The following EIF4G2 variants were observed in gnomAD, a reference collection of about 807,000 sequenced individuals.
EIF4G2 encodes eukaryotic translation initiation factor 4 gamma 2, also known as DAP-5.
Under a neutral mutation model 117.7 loss-of-function variants are expected in EIF4G2, and 8 were observed. That is an observed-to-expected ratio of 0.07 (90% CI 0.04 to 0.12). EIF4G2 has a LOEUF of 0.12. EIF4G2 is among the 10% of genes least tolerant of loss of function. The pLI, the probability that EIF4G2 is intolerant of heterozygous loss-of-function variation, is 1.00. For missense variants in EIF4G2, 812 were observed against 1,086.2 expected, an observed-to-expected ratio of 0.75 and a Z score of 3.55; for synonymous variants, 413 against 367.8, an observed-to-expected ratio of 1.12 and a Z score of -1.41.
Position 10,803,789 on chromosome 11 carries a change from AT to A in EIF4G2, c.702+109del. The A allele has an allele frequency of 2.9e-6, 4 of 1,369,704 alleles. No homozygotes were observed. In the South Asian group the frequency reaches 5.4e-5, roughly 19 times the overall value. 84.8% of individuals were successfully genotyped at this position (1,369,704 alleles called of 1,614,324 possible). A position where few individuals can be genotyped will look rare whatever the true frequency, so the allele number is the denominator to read the frequency against. ...TATTTCAAATTATTCTGTTTAGTAAATTTTGTTGCACATCTGTATTTAACTA... is the reference window on the plus strand; with the variant it reads ...TATTTCAAATTATTCTGTTTAGTAAATTTGTTGCACATCTGTATTTAACTA... On this transcript the variant is annotated intron_variant, in intron 8 of 21. Coordinates refer to ENST00000339995, the MANE Select transcript of EIF4G2 (RefSeq NM_001418.4). The surrounding 1 kb of genome is among the most constrained non-coding windows in gnomAD (Gnocchi z 4.0).
At chr11:10,798,290 C>T (rs1847316570) in intron 21 of EIF4G2, among the ~76,000 whole-genome samples, 1 of 152,140 alleles carries the variant, frequency 6.6e-6, no homozygotes, top group Non-Finnish European at 1.5e-5. Context: ...GAGAGAATGC[C>T]CTGATGTTCT....
chr11:10,800,193 A>T lies in EIF4G2; in HGVS notation c.2016T>A (p.Pro672=). ...ACTGCTGAAGACAAAGTAGGAAGAG[A>T]GGAAAATGGGTGCCACTTTCTAGTG... Residue 672 remains proline (P), a synonymous_variant, in exon 18 of 22, where the codon CCT becomes CCA. Transcript: ENST00000339995. The T allele has an allele frequency of 3.7e-6, 6 of 1,614,184 alleles. No homozygotes were observed. The highest frequency in any genetic ancestry group is 5.1e-6 in the Non-Finnish European group (6 of 1,180,026).
chr11:10,801,138 C>T (rs567271528), intron 14 of EIF4G2, 51 bp from the exon 15 acceptor site: 2 of 1,607,254 alleles, frequency 1.2e-6, no homozygotes, highest in African/African-American at 1.3e-5. Context: ...AGTTGGCGAA[C>T]ATATTAAATA....
Position 10,803,415 on chromosome 11 carries a change from A to T in EIF4G2, c.813+65T>A, listed in dbSNP as rs1847481066. On this transcript the variant is annotated intron_variant, in intron 9 of 21. Transcript: ENST00000339995. This position sits in a 1 kb window ranked among gnomAD's most constrained non-coding sequence, Gnocchi z 4.0. ...AAATATGGCAATCCCTTATGATGTCACAAAAATCAATAGCTTGATTTAAAG... is the reference window on the plus strand; with the variant it reads ...AAATATGGCAATCCCTTATGATGTCTCAAAAATCAATAGCTTGATTTAAAG... 3 of 1,569,422 alleles carry T rather than the reference A, an allele frequency of 1.9e-6. No homozygotes were observed. In the South Asian group the frequency reaches 3.3e-5, roughly 17 times the overall value.
At position 10,799,098 on chromosome 11, in the gene EIF4G2, A is replaced by G. The variant is rs1262851235; in HGVS notation, c.2552T>C (p.Phe851Ser). The change falls in exon 21 of 22, where the codon TTT becomes TCT. Residue 851 changes from phenylalanine (F) to serine (S), a missense_variant. Phe to Ser is a radical substitution (Grantham distance 155, BLOSUM62 -2). This residue lies in a region of EIF4G2 where 571 missense variants were observed against 642.3 expected (regional missense o/e 0.89). Coordinates refer to ENST00000339995, the MANE Select transcript of EIF4G2 (RefSeq NM_001418.4). The stretch of plus-strand genomic sequence containing the variant: ...TTCCATGTCATAGAAGTGCACAAAA[A>G]AGCGAAGTAACATGCCTTAAAAAAA... 1.9e-6 allele frequency: 3 copies of G among 1,585,962 alleles called. No individual in the cohort carries two copies. Among genetic ancestry groups the G allele is most frequent in the Non-Finnish European group, 2.6e-6 (3 of 1,173,312 alleles).
Position 10,807,825 on chromosome 11 carries a change from C to G in EIF4G2, c.-86-444G>C, listed in dbSNP as rs1333269261. 3.0e-6 allele frequency: 3 copies of G among 991,436 alleles called. No individual in the cohort carries two copies. The African/African-American group carries it at 5.2e-5, about 17-fold the overall frequency. The allele number at this position is 991,436 out of a possible 1,614,324, so 61.4% of individuals were successfully genotyped here. On this transcript the variant is annotated intron_variant, in intron 1 of 21. Coordinates refer to ENST00000339995, the MANE Select transcript of EIF4G2 (RefSeq NM_001418.4). ...CCCTGTCCACCCTTTCGCCTCCTCC[C>G]CGTGGAGAGCTCGTGGAAAGACGCG... is the stretch of plus-strand genomic sequence containing the variant.
chr11:10,806,667 AG>A, intron 3 of EIF4G2, 152 bp downstream of exon 3: 1 of 746,644 alleles, frequency 1.3e-6, no homozygotes, highest in Non-Finnish European at 2.2e-6. Flanking sequence ...AGGAATAATC[AG>A]GAACTGATAT....
chr11:10,807,457 T>C, intron 1 of EIF4G2, 76 bp from the exon 2 acceptor site: 3 of 1,437,462 alleles, frequency 2.1e-6, no homozygotes, highest in Non-Finnish European at 1.8e-6. Context: ...TTACAACGTA[T>C]TTCAGATCCT....
intron 4 of EIF4G2, among the ~76,000 whole-genome samples, 200 bp from the exon 5 acceptor site, chr11:10,805,215 G>A (rs922613828): frequency 6.6e-6 from 1 of 152,108 alleles, no homozygotes. Flanking sequence ...TGGACTGGGG[G>A]GTCCCCAGCT....
chr11:10,807,336 T>A lies in EIF4G2; in HGVS notation c.-41A>T. The A allele has an allele frequency of 6.2e-7, 1 of 1,613,058 alleles. No homozygotes were observed. The highest frequency in any genetic ancestry group is 1.1e-5 in the South Asian group (1 of 90,992). On this transcript the variant is annotated 5_prime_UTR_variant, in exon 2 of 22. Transcript: ENST00000339995. The stretch of plus-strand genomic sequence containing the variant: ...ACGAAGAATCTTCAAAAGAATAATA[T>A]TAATAGATGGGGTGGGGAGGGGAGG...
At position 10,807,852 on chromosome 11, in the gene EIF4G2, G is replaced by A. The variant is rs76250465; in HGVS notation, c.-86-471C>T. 7.8e-5 allele frequency: 77 copies of A among 985,638 alleles called. No individual in the cohort carries two copies. In the African/African-American group the frequency reaches 1.3e-3, roughly 17 times the overall value. The allele number at this position is 985,638 out of a possible 1,614,324, so 61.1% of individuals were successfully genotyped here. ...GTGGAGAGCTCGTGGAAAGACGCGC[G>A]AGAGGGGGCCGGGTGTACAGGACTA... On this transcript the variant is annotated intron_variant, in intron 1 of 21. Transcript: ENST00000339995.
rs1847384354 is a variant in EIF4G2, at chr11:10,800,417, A to C, written c.1860+15T>G. 6.2e-7 allele frequency: 1 copy of C among 1,613,722 alleles called. No individual in the cohort carries two copies. The highest frequency in any genetic ancestry group is 1.3e-5 in the African/African-American group (1 of 74,904). ...TGGTAAGAGTTCTTACCACACAATC[A>C]GTAAAGTGTCCTACCTGCATGAAGT... On this transcript the variant is annotated intron_variant, in intron 17 of 21. Transcript: ENST00000339995.
chr11:10,801,541 G>C lies in EIF4G2; in HGVS notation c.1413+120C>G, dbSNP rs1006102479. ...GAAAGAAAAAGAAGTATAGAAAAGA[G>C]AGAAAAACGTCAAGAACTCCAGCAT... On this transcript the variant is annotated intron_variant, in intron 14 of 21. Coordinates refer to ENST00000339995, the MANE Select transcript of EIF4G2 (RefSeq NM_001418.4). 6.4e-6 allele frequency: 6 copies of C among 938,196 alleles called. 1 individual carries two copies. The highest frequency in any genetic ancestry group is 1.3e-5 in the South Asian group (1 of 77,092). The allele number at this position is 938,196 out of a possible 1,614,324, so 58.1% of individuals were successfully genotyped here.
intron 1 of EIF4G2, chr11:10,807,872 G>A (rs1201002517): frequency 9.9e-7 from 1 of 1,008,276 alleles, no homozygotes; most frequent in Non-Finnish European, 1.2e-6. Flanking sequence ...CGGGTGTACA[G>A]GACTAGCACT....
chr11:10,808,627 T>C (rs1847667294), intron 1 of EIF4G2, 78 bp downstream of exon 1: 2 of 509,968 alleles, frequency 3.9e-6, no homozygotes, highest in South Asian at 5.4e-5. Context: ...CGCCATTTTG[T>C]ACCACTCGAG....
chr11:10,803,219 G>A lies in EIF4G2; in HGVS notation c.889C>T (p.Leu297=), dbSNP rs373458443. 58 of 1,613,784 alleles carry A rather than the reference G, an allele frequency of 3.6e-5. No homozygotes were observed. The highest frequency in any genetic ancestry group is 4.8e-5 in the Non-Finnish European group (57 of 1,179,910). The change falls in exon 10 of 22, where the codon CTG becomes TTG. Residue 297 remains leucine, a synonymous_variant. Transcript: ENST00000339995. The surrounding 1 kb of genome is among the most constrained non-coding windows in gnomAD (Gnocchi z 4.0). ...AAAGAAACCAGTATTACCTGCAGCA[G>A]GAAACGAATCCTTGCTGGCAATTCC...
chr11:10,808,833 G>A lies in EIF4G2; in HGVS notation c.-215C>T, dbSNP rs1847675240. ...GGGAGGGAAGGGGGAGGAAGGAGTC[G>A]GGGACGGCCTCAAACTCAGCTCAGA... On this transcript the variant is annotated 5_prime_UTR_variant, in exon 1 of 22. Coordinates refer to ENST00000339995, the MANE Select transcript of EIF4G2 (RefSeq NM_001418.4). 1 of 173,326 alleles carries A rather than the reference G, an allele frequency of 5.8e-6. No individual in the cohort carries two copies. The highest frequency in any genetic ancestry group is 2.4e-5 in the African/African-American group (1 of 41,478). 10.7% of individuals were successfully genotyped at this position (173,326 alleles called of 1,614,324 possible). A position where few individuals can be genotyped will look rare whatever the true frequency, so the allele number is the denominator to read the frequency against.
At chr11:10,806,735 G>T in intron 3 of EIF4G2, 85 bp downstream of exon 3, 4 of 1,432,014 alleles carry the variant, frequency 2.8e-6, no homozygotes, top group South Asian at 2.3e-5. Flanking sequence ...AGTCTTGATG[G>T]CTATTGCCTT....
Position 10,804,314 on chromosome 11 carries a change from C to A in EIF4G2, c.456G>T (p.Glu152Asp), listed in dbSNP as rs140740034. ...TGCTTTGCTTCTGTCCTGGTTGACC[C>A]TCTGCTGCTGGGCCATCAAAGTTTG... The change falls in exon 6 of 22, where the codon GAG (glutamate) becomes GAT (aspartate). Residue 152 changes from glutamate (E) to aspartate (D), a missense_variant. Glu to Asp is a conservative substitution (Grantham distance 45). This residue lies in a region of EIF4G2 where 154 missense variants were observed against 322.1 expected (regional missense o/e 0.48). Transcript: ENST00000339995. 46 of 1,613,992 alleles carry A rather than the reference C, an allele frequency of 2.9e-5. No homozygotes were observed. In the Admixed American group the frequency reaches 5.7e-4, roughly 20 times the overall value.
Sources: gnomAD v4.1 joint callset for allele counts (sites outside exome capture counted in the v4.1 genomes callset) on GRCh38, gnomAD v4.1.1 for gene constraint, gnomAD v4.1.1 regional missense constraint, Gnocchi (gnomAD v3.1) non-coding constraint, MANE v1.5 for transcripts, NCBI Gene and HGNC (gene_info 2026-07-23, HGNC 2026-07-21) for gene names.